Variants in MYO10 observed in about 807,000 individuals in gnomAD.
MYO10 encodes myosin X, also known as unconventional myosin-X.
In MYO10, 133 loss-of-function variants were observed where a neutral mutation model predicts 257.3. That is an observed-to-expected ratio of 0.52 (90% CI 0.45 to 0.60). The LOEUF (loss-of-function observed/expected upper bound fraction) is 0.60. Among genes scored for constraint, MYO10 ranks in the 20% least tolerant of loss-of-function variants. The probability of loss-of-function intolerance (pLI) is 0.00; values close to 1 mark genes in which losing one functional copy is unlikely to be tolerated. For missense variants in MYO10, 2,399 were observed against 2,635.7 expected (o/e 0.91, Z 1.97); for synonymous variants, 1,104 against 1,028.6 (o/e 1.07, Z -1.40).
intron 16 of MYO10, 120 bp downstream of exon 16, chr5:16,761,925 C>T (rs1740724307): frequency 1.9e-6 from 2 of 1,060,446 alleles, no homozygotes; most frequent in African/African-American, 1.6e-5. Context: ...AGTACTGGGA[C>T]TGTAGGCTCA....
At chr5:16,791,705 A>G (rs1343062044) in intron 4 of MYO10, among the ~76,000 whole-genome samples, 1 of 152,190 alleles carries the variant, frequency 6.6e-6, no homozygotes, top group Non-Finnish European at 1.5e-5. Flanking sequence ...TTATTTAAGG[A>G]TCTAAGTGTG....
At chr5:16,722,366 C>T (rs902376075) in intron 19 of MYO10, among the ~76,000 whole-genome samples, 1 of 152,208 alleles carries the variant, frequency 6.6e-6, no homozygotes, top group African/African-American at 2.4e-5. Flanking sequence ...TGTCACCCTA[C>T]GTATCAGATA....
At chr5:16,879,404 C>T (rs1427695460) in intron 1 of MYO10, among the ~76,000 whole-genome samples, 4 of 152,146 alleles carry the variant, frequency 2.6e-5, no homozygotes, top group African/African-American at 7.2e-5. Context: ...CCTCATTTTA[C>T]GCTACTTTAA....
intron 1 of MYO10, among the ~76,000 whole-genome samples, chr5:16,928,966 T>C (rs1270247936): frequency 6.6e-6 from 1 of 151,670 alleles, no homozygotes; most frequent in Non-Finnish European, 1.5e-5. Context: ...TTTTGGTTTT[T>C]TTTTGAGACG....
intron 2 of MYO10, among the ~76,000 whole-genome samples, chr5:16,857,563 A>G (rs1743994549): frequency 6.6e-6 from 1 of 152,202 alleles, no homozygotes; most frequent in African/African-American, 2.4e-5. Flanking sequence ...CAGGCTCCTA[A>G]AACACCTGCT....
intron 1 of MYO10, among the ~76,000 whole-genome samples, chr5:16,921,818 C>T (rs77492437): frequency 0.013 from 1,914 of 152,104 alleles, 38 homozygotes; most frequent in African/African-American, 0.044. Context: ...ATGATCCTGG[C>T]ATCTAGTGAT....
At chr5:16,895,353 T>C (rs1481017522) in intron 1 of MYO10, among the ~76,000 whole-genome samples, 2 of 152,154 alleles carry the variant, frequency 1.3e-5, no homozygotes, top group Non-Finnish European at 2.9e-5. Flanking sequence ...GAGGCTGACG[T>C]CTGAGGTCTG....
intron 27 of MYO10, among the ~76,000 whole-genome samples, chr5:16,690,416 C>T (rs79428737): frequency 0.033 from 5,092 of 152,226 alleles, 267 homozygotes; most frequent in African/African-American, 0.12. Context: ...ATGATGAAGA[C>T]ACCCTCTAGG....
chr5:16,808,756 TCTC>T (rs1742347598), intron 3 of MYO10, among the ~76,000 whole-genome samples: 2 of 152,024 alleles, frequency 1.3e-5, no homozygotes, highest in Non-Finnish European at 2.9e-5. Flanking sequence ...ACTGCAACCT[TCTC>T]CTCCCAGGTT....
At chr5:16,796,812 CT>C (rs1364740345) in intron 3 of MYO10, among the ~76,000 whole-genome samples, 2 of 152,150 alleles carry the variant, frequency 1.3e-5, no homozygotes, top group East Asian at 3.9e-4. Context: ...ATCCCAAGTA[CT>C]TAAGAATGTT....
At chr5:16,845,837 A>C (rs1163206340) in intron 2 of MYO10, among the ~76,000 whole-genome samples, 1 of 151,796 alleles carries the variant, frequency 6.6e-6, no homozygotes, top group Non-Finnish European at 1.5e-5. Flanking sequence ...GGTGGCACGC[A>C]CCTGTAGTCC....
intron 2 of MYO10, among the ~76,000 whole-genome samples, chr5:16,839,214 C>T (rs747235851): frequency 6.6e-6 from 1 of 152,094 alleles, no homozygotes. Context: ...TGAAAACCTT[C>T]TGGAAAGGAT....
chr5:16,899,462 C>T (rs929356529), intron 1 of MYO10, among the ~76,000 whole-genome samples: 1 of 151,750 alleles, frequency 6.6e-6, no homozygotes, highest in Non-Finnish European at 1.5e-5. Context: ...TGGTGAAACC[C>T]CCGTCTCTAC....
At chr5:16,816,027 C>T (rs2126702323) in intron 3 of MYO10, among the ~76,000 whole-genome samples, 1 of 144,912 alleles carries the variant, frequency 6.9e-6, no homozygotes, top group African/African-American at 2.6e-5. Flanking sequence ...ACAAAAATGA[C>T]ACTTTCACAG....
Position 16,779,652 on chromosome 5 carries a change from C to T in MYO10, c.827-4G>A. Reference sequence around the variant, plus strand: ...GGCGTAGATAAATAAAATTCTTCTACAGAAAGACAAAAACATGATGTCACA... The same window carrying T: ...GGCGTAGATAAATAAAATTCTTCTATAGAAAGACAAAAACATGATGTCACA... On this transcript the variant is annotated splice_polypyrimidine_tract_variant and splice_region_variant and intron_variant, in intron 8 of 40. Transcript: ENST00000513610. 6.4e-7 allele frequency: 1 copy of T among 1,556,302 alleles called. No homozygotes were observed.
chr5:16,767,539 C>A (rs201239376), intron 10 of MYO10, among the ~76,000 whole-genome samples: 8 of 151,964 alleles, frequency 5.3e-5, no homozygotes, highest in Non-Finnish European at 1.2e-4. Context: ...ATGTGACTAT[C>A]CTTCCTGTTT....
chr5:16,673,936 G>A, intron 35 of MYO10, 47 bp from the exon 36 acceptor site: 1 of 1,562,074 alleles, frequency 6.4e-7, no homozygotes, highest in Non-Finnish European at 8.8e-7. Flanking sequence ...ATGGGGGCTG[G>A]CTGCTGGGAG....
intron 22 of MYO10, among the ~76,000 whole-genome samples, chr5:16,703,881 A>C (rs1738205525): frequency 8.1e-5 from 1 of 12,402 alleles, no homozygotes; most frequent in African/African-American, 1.4e-3. Context: ...ACTCTGTCTC[A>C]AAAAAAAAAA....
Position 16,829,897 on chromosome 5 carries a change from ACACACG to A in MYO10, c.121-11736_121-11731del, listed in dbSNP as rs567175395. ...GAAGGAACGGCTAATACACACACAC[ACACACG>A]CACACGCACACGCACACAAGAATAT... On this transcript the variant is annotated intron_variant, in intron 2 of 40. Coordinates refer to ENST00000513610, the MANE Select transcript of MYO10 (RefSeq NM_012334.3). 4.4e-3 allele frequency among the ~76,000 whole-genome samples: 659 copies of A among 148,854 alleles called. 3 individuals are homozygous for A. The highest frequency in any genetic ancestry group is 0.015 in the African/African-American group (590 of 40,272).
Sources: gnomAD v4.1 joint callset for allele counts (sites outside exome capture counted in the v4.1 genomes callset) on GRCh38, gnomAD v4.1.1 for gene constraint, MANE v1.5 for transcripts, NCBI Gene and HGNC (gene_info 2026-07-23, HGNC 2026-07-21) for gene names.